CSMD1: variants seen among roughly 807,000 people sequenced by gnomAD.
The protein encoded by CSMD1 is CUB and Sushi multiple domains 1.
In CSMD1, 213 loss-of-function variants were observed where a neutral mutation model predicts 417.5. The observed-to-expected ratio is 0.51, with a 90% CI of 0.46 to 0.57. The LOEUF (loss-of-function observed/expected upper bound fraction) is 0.57. Ranked by LOEUF, CSMD1 falls within the 20% of genes least tolerant of loss-of-function variation. The probability of loss-of-function intolerance (pLI) is 0.00; values close to 1 mark genes in which losing one functional copy is unlikely to be tolerated. For synonymous variants in CSMD1, 2,862 were observed against 1,736.8 expected, an observed-to-expected ratio of 1.65 and a Z score of -16.11; for missense variants, 6,923 against 4,529.7, an observed-to-expected ratio of 1.53 and a Z score of -15.17.
At chr8:3,959,818 C>A (rs1387651222) in intron 5 of CSMD1, among the ~76,000 whole-genome samples, 1 of 152,162 alleles carries the variant, frequency 6.6e-6, no homozygotes, top group Admixed American at 6.5e-5. Flanking sequence ...CACCTTCTGG[C>A]ATTATACACC....
intron 3 of CSMD1, among the ~76,000 whole-genome samples, chr8:4,315,854 A>G (rs1452652019): frequency 6.6e-6 from 1 of 152,180 alleles, no homozygotes; most frequent in Admixed American, 6.5e-5. Flanking sequence ...TTCATATTAT[A>G]TTCTCAGTCT....
chr8:4,503,616 A>C (rs879716314), intron 2 of CSMD1, among the ~76,000 whole-genome samples: 1 of 152,210 alleles, frequency 6.6e-6, no homozygotes, highest in Non-Finnish European at 1.5e-5. Context: ...AGCCAGCTTG[A>C]GTAATGATCA....
chr8:3,768,086 A>G (rs1043222566), intron 5 of CSMD1, among the ~76,000 whole-genome samples: 2 of 152,158 alleles, frequency 1.3e-5, no homozygotes, highest in African/African-American at 4.8e-5. Flanking sequence ...TATGATTTAG[A>G]GTCATATATT....
chr8:3,125,452 A>C (rs1377933143), intron 41 of CSMD1, among the ~76,000 whole-genome samples: 5 of 152,240 alleles, frequency 3.3e-5, no homozygotes, highest in African/African-American at 1.2e-4. Context: ...GTTTTAATTT[A>C]AGAAAGAAAG....
chr8:3,087,244 T>G lies in CSMD1; in HGVS notation c.7327A>C (p.Ile2443Leu). The G allele has an allele frequency of 6.2e-7, 1 of 1,613,988 alleles. No individual in the cohort carries two copies. The highest frequency in any genetic ancestry group is 8.5e-7 in the Non-Finnish European group (1 of 1,179,886). Residue 2443 changes from isoleucine to leucine, a missense_variant, in exon 49 of 70, where the codon ATT becomes CTT. Transcript: ENST00000635120. ...SLTHPLKNGGILNRTAGAVGS... is the reference protein window; with the variant it reads ...SLTHPLKNGGLLNRTAGAVGS... Reference sequence around the variant, plus strand: ...ACCGCTCCTGCAGTCCTGTTTAGAATACCCCCATTCTTCAGGGGGTGGGTC... The same window carrying G: ...ACCGCTCCTGCAGTCCTGTTTAGAAGACCCCCATTCTTCAGGGGGTGGGTC...
intron 4 of CSMD1, among the ~76,000 whole-genome samples, chr8:4,000,128 G>A (rs554511195): frequency 1.1e-4 from 17 of 152,262 alleles, no homozygotes; most frequent in African/African-American, 3.9e-4. Flanking sequence ...GCACCACTGT[G>A]CAAGCACACA....
At chr8:4,754,865 G>A (rs563252654) in intron 1 of CSMD1, among the ~76,000 whole-genome samples, 1 of 151,288 alleles carries the variant, frequency 6.6e-6, no homozygotes, top group South Asian at 2.1e-4. Flanking sequence ...TCGGATGAGT[G>A]TGGTGGTTCA....
At chr8:4,639,658 A>G (rs1193892025) in intron 1 of CSMD1, among the ~76,000 whole-genome samples, 2 of 152,226 alleles carry the variant, frequency 1.3e-5, no homozygotes, top group African/African-American at 4.8e-5. Flanking sequence ...GTACTTGAAT[A>G]CAAGTATTAT....
At chr8:4,053,055 T>A (rs1798514361) in intron 3 of CSMD1, among the ~76,000 whole-genome samples, 1 of 152,146 alleles carries the variant, frequency 6.6e-6, no homozygotes, top group South Asian at 2.1e-4. Context: ...AGAGGAGTCC[T>A]TGGGAGGCTG....
intron 23 of CSMD1, among the ~76,000 whole-genome samples, chr8:3,339,907 A>C (rs748781432): frequency 7.2e-5 from 11 of 152,212 alleles, no homozygotes; most frequent in Non-Finnish European, 1.5e-4. Flanking sequence ...GTCTGTAATA[A>C]AAAGCAGTGT....
intron 3 of CSMD1, among the ~76,000 whole-genome samples, chr8:4,408,221 C>G (rs768435151): frequency 2.0e-5 from 3 of 152,210 alleles, no homozygotes; most frequent in East Asian, 1.9e-4. Flanking sequence ...CAGGCCATTC[C>G]TCCTTCCTTA....
chr8:3,648,613 C>T (rs777450472), intron 7 of CSMD1, among the ~76,000 whole-genome samples: 1 of 152,138 alleles, frequency 6.6e-6, no homozygotes, highest in Non-Finnish European at 1.5e-5. Context: ...ATGACTTTCC[C>T]AAGAACGAGT....
chr8:2,948,042 C>T (rs1210361786), intron 68 of CSMD1, among the ~76,000 whole-genome samples: 1 of 151,734 alleles, frequency 6.6e-6, no homozygotes, highest in African/African-American at 2.4e-5. Flanking sequence ...ATTGTACACT[C>T]ACATTCCTCC....
intron 1 of CSMD1, among the ~76,000 whole-genome samples, chr8:4,967,054 G>A (rs745742201): frequency 7.2e-5 from 11 of 152,134 alleles, no homozygotes; most frequent in Non-Finnish European, 1.3e-4. Context: ...TCTCCAGTGG[G>A]TGAAGGCTAA....
At chr8:3,461,497 G>A (rs1298834400) in intron 12 of CSMD1, among the ~76,000 whole-genome samples, 2 of 152,316 alleles carry the variant, frequency 1.3e-5, no homozygotes, top group Admixed American at 6.5e-5. Context: ...CTCCACCCCA[G>A]GAGCTGATTG....
chr8:3,815,821 C>G (rs966408052), intron 5 of CSMD1, among the ~76,000 whole-genome samples: 3 of 152,216 alleles, frequency 2.0e-5, no homozygotes, highest in South Asian at 2.1e-4. Flanking sequence ...AGTCTAAATT[C>G]TAGCCTTTGA....
chr8:4,746,899 A>C (rs757003851), intron 1 of CSMD1, among the ~76,000 whole-genome samples: 1 of 152,238 alleles, frequency 6.6e-6, no homozygotes, highest in Non-Finnish European at 1.5e-5. Flanking sequence ...TTAGATCATA[A>C]AAGAATTGTG....
chr8:3,591,313 T>G (rs1467364892), intron 8 of CSMD1, among the ~76,000 whole-genome samples: 7 of 152,238 alleles, frequency 4.6e-5, no homozygotes. Context: ...TTGCTCCGTA[T>G]TTGATTTCGG....
At chr8:4,124,410 T>G (rs202012927) in intron 3 of CSMD1, among the ~76,000 whole-genome samples, 1 of 86 alleles carries the variant, frequency 0.012, no homozygotes, top group South Asian at 0.5. Context: ...TTGTATTTAA[T>G]TTTTTTCCCT....
Sources: gnomAD v4.1 joint callset for allele counts (sites outside exome capture counted in the v4.1 genomes callset) on GRCh38, gnomAD v4.1.1 for gene constraint, MANE v1.5 for transcripts, NCBI Gene and HGNC (gene_info 2026-07-23, HGNC 2026-07-21) for gene names.